CDH20: variants seen among roughly 807,000 people sequenced by gnomAD.
CDH20 encodes cadherin-20.
Under a neutral mutation model 74.2 loss-of-function variants are expected in CDH20, and 29 were observed. The observed-to-expected ratio is 0.39, with a 90% CI of 0.29 to 0.53. The LOEUF (loss-of-function observed/expected upper bound fraction) is 0.53. CDH20 is among the 20% of genes least tolerant of loss of function. CDH20 has a pLI of 0.69. For synonymous variants in CDH20, 469 were observed against 405.4 expected (o/e 1.16, Z -1.88); for missense variants, 988 against 1,048.3 (o/e 0.94, Z 0.79).
chr18:61,405,456 A>G (rs1912300710), intron 1 of CDH20, among the ~76,000 whole-genome samples: 1 of 152,130 alleles, frequency 6.6e-6, no homozygotes, highest in Non-Finnish European at 1.5e-5. Flanking sequence ...CCTAAAAATT[A>G]GCTGGGGTAG....
chr18:61,540,710 T>C (rs984434327), intron 9 of CDH20, among the ~76,000 whole-genome samples: 1 of 152,158 alleles, frequency 6.6e-6, no homozygotes, highest in Admixed American at 6.5e-5. Flanking sequence ...ACCATATCAC[T>C]TCACTTCTCT....
chr18:61,365,443 A>G (rs1013862223), intron 1 of CDH20, among the ~76,000 whole-genome samples: 20 of 152,190 alleles, frequency 1.3e-4, no homozygotes, highest in Non-Finnish European at 2.6e-4. Context: ...TGGGTAAAGC[A>G]GATAATCACA....
intron 1 of CDH20, among the ~76,000 whole-genome samples, chr18:61,344,798 C>T (rs1910062710): frequency 6.6e-6 from 1 of 152,102 alleles, no homozygotes; most frequent in African/African-American, 2.4e-5. Flanking sequence ...TAGTGCAAAA[C>T]AAGATCATGA....
intron 8 of CDH20, 60 bp from the exon 9 acceptor site, chr18:61,538,964 C>CTTTTTTT: frequency 6.5e-6 from 10 of 1,540,618 alleles, no homozygotes; most frequent in Admixed American, 1.8e-5. Flanking sequence ...AACCATTACT[C>CTTTTTTT]TTTTTTTTCT....
chr18:61,509,766 T>G (rs746759092), intron 6 of CDH20, among the ~76,000 whole-genome samples: 8 of 152,090 alleles, frequency 5.3e-5, no homozygotes, highest in Non-Finnish European at 1.2e-4. Context: ...TGAGAAGCTA[T>G]TGCAGTAATC....
intron 7 of CDH20, 139 bp downstream of exon 7, chr18:61,528,359 G>GTT (rs569091403): frequency 8.7e-4 from 538 of 619,256 alleles, no homozygotes; most frequent in Middle Eastern, 1.0e-3. Context: ...TTTTTGTGTT[G>GTT]TTTTTTTTTT....
chr18:61,409,873 C>T (rs892499770), intron 1 of CDH20, among the ~76,000 whole-genome samples: 45 of 152,072 alleles, frequency 3.0e-4, no homozygotes, highest in African/African-American at 1.0e-3. Flanking sequence ...AAAACACCAA[C>T]CTGTTGCCTA....
At chr18:61,426,003 C>T (rs551036809) in intron 1 of CDH20, among the ~76,000 whole-genome samples, 43 of 152,236 alleles carry the variant, frequency 2.8e-4, no homozygotes, top group African/African-American at 2.6e-4. Flanking sequence ...ATTTGCAAAT[C>T]GTTCATTGCT....
intron 1 of CDH20, among the ~76,000 whole-genome samples, chr18:61,449,033 A>C (rs373970990): frequency 6.6e-6 from 1 of 152,180 alleles, no homozygotes; most frequent in South Asian, 2.1e-4. Context: ...GGCTTTCAAC[A>C]TCATTGCCCC....
At chr18:61,339,321 A>G (rs1179861602) in intron 1 of CDH20, among the ~76,000 whole-genome samples, 1 of 143,802 alleles carries the variant, frequency 7.0e-6, no homozygotes, top group Non-Finnish European at 1.6e-5. Context: ...AGTCTTTTTT[A>G]TTTTATTTTA....
chr18:61,507,705 C>A (rs1292017115), intron 6 of CDH20, 145 bp downstream of exon 6: 2 of 535,964 alleles, frequency 3.7e-6, no homozygotes, highest in Non-Finnish European at 6.2e-6. Context: ...AAAAAACACA[C>A]AGAAAACCTC....
chr18:61,407,279 G>A (rs1242187097), intron 1 of CDH20, among the ~76,000 whole-genome samples: 1 of 152,188 alleles, frequency 6.6e-6, no homozygotes, highest in Non-Finnish European at 1.5e-5. Context: ...ATGGCTCCCA[G>A]GGCCTTGAGA....
intron 1 of CDH20, among the ~76,000 whole-genome samples, chr18:61,392,940 C>CAGTCT: frequency 6.6e-6 from 1 of 152,248 alleles, no homozygotes; most frequent in Admixed American, 6.5e-5. Flanking sequence ...AACAAGAGGG[C>CAGTCT]AGTCTCATCC....
chr18:61,542,986 A>G (rs1454450005), intron 9 of CDH20, among the ~76,000 whole-genome samples: 1 of 152,102 alleles, frequency 6.6e-6, no homozygotes, highest in African/African-American at 2.4e-5. Context: ...ACCTCCAACA[A>G]TGGGGATCAG....
At chr18:61,380,688 A>G (rs1370127941) in intron 1 of CDH20, among the ~76,000 whole-genome samples, 1 of 152,204 alleles carries the variant, frequency 6.6e-6, no homozygotes, top group African/African-American at 2.4e-5. Flanking sequence ...ACATGCCTGT[A>G]ATCCCAGCTA....
chr18:61,528,279 T>C, intron 7 of CDH20, 59 bp downstream of exon 7: 1 of 1,545,520 alleles, frequency 6.5e-7, no homozygotes, highest in South Asian at 1.2e-5. Flanking sequence ...CCCTTGTATG[T>C]AATTTTCTAG....
At chr18:61,429,556 GT>G (rs1913183940) in intron 1 of CDH20, among the ~76,000 whole-genome samples, 1 of 152,128 alleles carries the variant, frequency 6.6e-6, no homozygotes, top group Non-Finnish European at 1.5e-5. Context: ...TTTTTCTACT[GT>G]AGCCACAACT....
chr18:61,543,830 G>A (rs1395912032), intron 9 of CDH20, among the ~76,000 whole-genome samples: 2 of 152,164 alleles, frequency 1.3e-5, no homozygotes, highest in East Asian at 3.8e-4. Flanking sequence ...TTAAATAGGG[G>A]CTTCTTAAAG....
chr18:61,431,622 C>G (rs1216322717), intron 1 of CDH20, among the ~76,000 whole-genome samples: 1 of 152,068 alleles, frequency 6.6e-6, no homozygotes, highest in Non-Finnish European at 1.5e-5. Flanking sequence ...GAAAAAAAGA[C>G]CTAGAAAGTG....
Sources: gnomAD v4.1 joint callset for allele counts (sites outside exome capture counted in the v4.1 genomes callset) on GRCh38, gnomAD v4.1.1 for gene constraint, MANE v1.5 for transcripts, NCBI Gene and HGNC (gene_info 2026-07-23, HGNC 2026-07-21) for gene names.